Variants in ADCY9 observed in about 807,000 individuals in gnomAD.
The protein encoded by ADCY9 is adenylate cyclase 9.
Under a neutral mutation model 101.5 loss-of-function variants are expected in ADCY9, and 50 were observed. The observed-to-expected ratio is 0.49, with a 90% confidence interval of 0.39 to 0.62. The LOEUF (loss-of-function observed/expected upper bound fraction) is 0.62. Ranked by LOEUF, ADCY9 falls within the 20% of genes least tolerant of loss-of-function variation. The pLI, the probability that ADCY9 is intolerant of heterozygous loss-of-function variation, is 0.00. For missense variants in ADCY9, 1,662 were observed against 1,800.4 expected (o/e 0.92, Z 1.39); for synonymous variants, 905 against 769.3 (o/e 1.18, Z -2.92).
At chr16:4,066,306 T>C (rs942948873) in intron 2 of ADCY9, among the ~76,000 whole-genome samples, 2 of 152,358 alleles carry the variant, frequency 1.3e-5, no homozygotes, top group Admixed American at 6.5e-5. Flanking sequence ...CATTTTGATA[T>C]GCCACTTCAA....
chr16:3,983,798 G>A (rs577615212), intron 6 of ADCY9: 1 of 247,438 alleles, frequency 4.0e-6, no homozygotes, highest in Non-Finnish European at 7.9e-6. Context: ...GGCAGTGCGT[G>A]AGTGTGGTCC....
intron 5 of ADCY9, 114 bp from the exon 6 acceptor site, chr16:3,989,210 C>G (rs2056223702): frequency 1.4e-6 from 1 of 721,244 alleles, no homozygotes; most frequent in South Asian, 1.7e-5. Context: ...ACAACAGCTG[C>G]GTCTAAAAGC....
Position 4,115,791 on chromosome 16 carries a change from G to C in ADCY9, c.-145C>G, listed in dbSNP as rs1597238420. 1.2e-5 allele frequency: 5 copies of C among 401,064 alleles called. No individual in the cohort carries two copies. The East Asian group carries it at 1.4e-4, about 11-fold the overall frequency. The allele number at this position is 401,064 out of a possible 1,614,324, so 24.8% of individuals were successfully genotyped here. ...TCGCCCCGAGGGTGGCCTCCGCGCC[G>C]CGCGGCTTCTCCTCCTCGCGCGCTC... On this transcript the variant is annotated 5_prime_UTR_variant, in exon 1 of 11. Transcript: ENST00000294016. The surrounding 1 kb of genome is among the most constrained non-coding windows in gnomAD (Gnocchi z 6.2).
chr16:4,114,690 G>C lies in ADCY9; in HGVS notation c.753C>G (p.Ala251=), dbSNP rs2057136475. 1.9e-6 allele frequency: 3 copies of C among 1,613,144 alleles called. No individual in the cohort carries two copies. The highest frequency in any genetic ancestry group is 1.7e-5 in the Admixed American group (1 of 60,028). ...CAAAGGTCTCGAAAAGGACAGAGTAGGCCACCCCCAGACACAAACTCAGGT... is the reference window on the plus strand; with the variant it reads ...CAAAGGTCTCGAAAAGGACAGAGTACGCCACCCCCAGACACAAACTCAGGT... ...PLYLSLCLGV[A]YSVLFETFGY... The change falls in exon 2 of 11, where the codon GCC becomes GCG. Residue 251 remains alanine, a synonymous_variant. Transcript: ENST00000294016. The surrounding 1 kb of genome is among the most constrained non-coding windows in gnomAD (Gnocchi z 4.3).
chr16:3,993,250 C>T lies in ADCY9; in HGVS notation c.1989+156G>A, dbSNP rs571289383. On this transcript the variant is annotated intron_variant, in intron 4 of 10. Coordinates refer to ENST00000294016, the MANE Select transcript of ADCY9 (RefSeq NM_001116.4). The stretch of plus-strand genomic sequence containing the variant: ...TGCTGACCCTCCCTCGAGCTCCCTG[C>T]CGGTCTCTTCAACACCCGGAGGACC... 1.0e-4 allele frequency: 135 copies of T among 1,344,862 alleles called. No homozygotes were observed. In the South Asian group the frequency reaches 2.0e-3, roughly 19 times the overall value. 83.3% of individuals were successfully genotyped at this position (1,344,862 alleles called of 1,614,324 possible). A position where few individuals can be genotyped will look rare whatever the true frequency, so the allele number is the denominator to read the frequency against.
At chr16:4,032,470 T>C (rs578061981) in intron 2 of ADCY9, among the ~76,000 whole-genome samples, 4 of 151,848 alleles carry the variant, frequency 2.6e-5, no homozygotes, top group South Asian at 4.2e-4. Context: ...AACAATCAGA[T>C]TGTACATTTA....
At chr16:4,043,664 T>C (rs1363496515) in intron 2 of ADCY9, among the ~76,000 whole-genome samples, 2 of 152,138 alleles carry the variant, frequency 1.3e-5, no homozygotes, top group South Asian at 2.1e-4. Context: ...CATTCCAACC[T>C]GAGCAACAGA....
intron 5 of ADCY9, among the ~76,000 whole-genome samples, chr16:3,956,503 T>TG (rs34702342): frequency 1.4e-5 from 1 of 69,576 alleles, no homozygotes; most frequent in African/African-American, 4.0e-5. Flanking sequence ...TTTTTTTTTT[T>TG]GGGGGGGGAT....
intron 3 of ADCY9, among the ~76,000 whole-genome samples, chr16:3,994,842 C>T (rs2056274764): frequency 6.6e-6 from 1 of 152,302 alleles, no homozygotes; most frequent in African/African-American, 2.4e-5. Context: ...TATGCGAGGA[C>T]ACAAATCCAA....
Position 4,113,979 on chromosome 16 carries a change from G to T in ADCY9, c.1464C>A (p.Val488=). ...QEKKEMVNMR[V]GVHTGTVLCG... is the part of the protein sequence containing the mutation. ...AAAGGACGGTGCCCGTGTGCACCCC[G>T]ACTCTCATGTTCACCATCTCCTTCT... Residue 488 remains valine (V), a synonymous_variant, in exon 2 of 11, where the codon GTC becomes GTA. Transcript: ENST00000294016. The T allele has an allele frequency of 6.2e-7, 1 of 1,613,946 alleles. No homozygotes were observed. The highest frequency in any genetic ancestry group is 1.1e-5 in the South Asian group (1 of 91,084).
chr16:3,975,767 A>G (rs2056087825), intron 9 of ADCY9, among the ~76,000 whole-genome samples: 1 of 152,210 alleles, frequency 6.6e-6, no homozygotes, highest in Non-Finnish European at 1.5e-5. Flanking sequence ...ATAGTGAAAC[A>G]TTTTTATAAG....
chr16:4,106,297 G>A (rs562730771), intron 2 of ADCY9, among the ~76,000 whole-genome samples: 132 of 152,286 alleles, frequency 8.7e-4, no homozygotes, highest in African/African-American at 3.0e-3. Context: ...GAATATCACT[G>A]CTGTCTGCAG....
In ADCY9 at chr16:3,964,923, T is replaced by G. The variant is rs1170198679; in HGVS notation, c.*852A>C. 1.3e-5 allele frequency: 2 copies of G among 152,182 alleles called. No individual in the cohort carries two copies. The highest frequency in any genetic ancestry group is 2.9e-5 in the Non-Finnish European group (2 of 68,052). 9.4% of individuals were successfully genotyped at this position (152,182 alleles called of 1,614,324 possible). Reference sequence around the variant, plus strand: ...ATAAATGCAACCTCGGATGTTTATTTGGTATTTCCCTCTCCGATGAGTCAG... The same window carrying G: ...ATAAATGCAACCTCGGATGTTTATTGGGTATTTCCCTCTCCGATGAGTCAG... On this transcript the variant is annotated 3_prime_UTR_variant, in exon 11 of 11. Transcript: ENST00000294016.
chr16:3,993,884 C>T (rs1218609837), intron 3 of ADCY9, among the ~76,000 whole-genome samples: 2 of 152,178 alleles, frequency 1.3e-5, no homozygotes, highest in Non-Finnish European at 2.9e-5. Context: ...AAGCCAGACA[C>T]AGCACAGATA....
Position 3,966,330 on chromosome 16 carries a change from A to T in ADCY9, c.3507T>A (p.His1169Gln). 1 of 1,614,092 alleles carries T rather than the reference A, an allele frequency of 6.2e-7. No individual in the cohort carries two copies. The highest frequency in any genetic ancestry group is 8.5e-7 in the Non-Finnish European group (1 of 1,180,036). Residue 1169 changes from histidine (H) to glutamine (Q), a missense_variant, in exon 11 of 11, where the codon CAT (histidine) becomes CAA (glutamine). His to Gln is a conservative substitution (Grantham distance 24). Around this residue, in one of 5 missense-constraint regions of ADCY9, gnomAD observed 220 missense variants for 312.9 expected, o/e 0.70. Transcript: ENST00000294016. ...CGATGACCCCGGCCGTGAGGGGCCC[A>T]TGGTTGAAGCCGACGCGGAGCTTGA... ...FNFKLRVGFNHGPLTAGVIGT... is the reference protein window; with the variant it reads ...FNFKLRVGFNQGPLTAGVIGT...
At chr16:4,015,188 A>G (rs113830871) in intron 2 of ADCY9, among the ~76,000 whole-genome samples, 1 of 149,668 alleles carries the variant, frequency 6.7e-6, no homozygotes, top group Non-Finnish European at 1.5e-5. Flanking sequence ...TGATCCGCCC[A>G]CCTCAGCCTC....
intron 7 of ADCY9, 139 bp downstream of exon 7, chr16:3,983,093 G>A (rs138291550): frequency 1.2e-6 from 1 of 808,302 alleles, no homozygotes; most frequent in Non-Finnish European, 1.9e-6. Context: ...GCTCGGGGAG[G>A]ACACGGGGAC....
At chr16:4,057,758 C>T (rs761902628) in intron 2 of ADCY9, among the ~76,000 whole-genome samples, 10 of 152,130 alleles carry the variant, frequency 6.6e-5, no homozygotes, top group African/African-American at 1.9e-4. Flanking sequence ...GGAGCATTTA[C>T]GGCGTGTTCT....
chr16:4,049,657 A>T (rs185171812), intron 2 of ADCY9, among the ~76,000 whole-genome samples: 39 of 151,994 alleles, frequency 2.6e-4, no homozygotes, highest in African/African-American at 9.4e-4. Context: ...CCCGCCTCCA[A>T]CCCATCCCTT....
Sources: gnomAD v4.1 joint callset for allele counts (sites outside exome capture counted in the v4.1 genomes callset) on GRCh38, gnomAD v4.1.1 for gene constraint, gnomAD v4.1.1 regional missense constraint, Gnocchi (gnomAD v3.1) non-coding constraint, MANE v1.5 for transcripts, NCBI Gene and HGNC (gene_info 2026-07-23, HGNC 2026-07-21) for gene names.